MYH11: variants seen among roughly 807,000 people sequenced by gnomAD.
MYH11 encodes the protein myosin heavy chain 11.
Under a neutral mutation model 246.6 loss-of-function variants are expected in MYH11, and 80 were observed. That is an observed-to-expected ratio of 0.32 (90% CI 0.27 to 0.39). The LOEUF is 0.39. Among genes scored for constraint, MYH11 ranks in the 10% least tolerant of loss-of-function variants. The pLI, the probability that MYH11 is intolerant of heterozygous loss-of-function variation, is 1.00. For missense variants in MYH11, 2,158 were observed against 2,546.8 expected (o/e 0.85, Z 3.29); for synonymous variants, 1,071 against 1,015.5 (o/e 1.05, Z -1.04).
chr16:15,817,390 G>A (rs2043287860), intron 3 of MYH11, among the ~76,000 whole-genome samples: 2 of 152,088 alleles, frequency 1.3e-5, no homozygotes, highest in South Asian at 4.1e-4. Flanking sequence ...TACTCAGGAG[G>A]CTGAGGCACA....
At chr16:15,756,730 A>T (rs1397179986) in intron 13 of MYH11, among the ~76,000 whole-genome samples, 1 of 151,976 alleles carries the variant, frequency 6.6e-6, no homozygotes, top group Non-Finnish European at 1.5e-5. Context: ...AAGGCAGAAC[A>T]TAATGTTTGC....
chr16:15,768,015 C>T (rs998181457), intron 9 of MYH11, among the ~76,000 whole-genome samples: 2 of 151,988 alleles, frequency 1.3e-5, no homozygotes, highest in South Asian at 2.1e-4. Context: ...TGGCCTCAAA[C>T]GATCCTCTTG....
At chr16:15,817,510 C>CA (rs896327561) in intron 3 of MYH11, among the ~76,000 whole-genome samples, 21 of 143,462 alleles carry the variant, frequency 1.5e-4, no homozygotes, top group African/African-American at 2.7e-4. Context: ...GACTCTGCCT[C>CA]AAAAAAAAAG....
intron 36 of MYH11, chr16:15,718,898 TAGG>T (rs2040316315): frequency 4.8e-6 from 2 of 419,596 alleles, no homozygotes; most frequent in South Asian, 2.2e-5. Flanking sequence ...GAGGCCAAGG[TAGG>T]AGGATCACCT....
At chr16:15,706,137 G>A (rs994291077) in intron 40 of MYH11, among the ~76,000 whole-genome samples, 2 of 152,054 alleles carry the variant, frequency 1.3e-5, no homozygotes, top group Admixed American at 1.3e-4. Flanking sequence ...GCAGTGCAGC[G>A]ATCAGGAATA....
chr16:15,725,921 G>T (rs1049141665), intron 28 of MYH11: 9 of 377,674 alleles, frequency 2.4e-5, no homozygotes, highest in African/African-American at 4.2e-5. Context: ...CATCATCTGG[G>T]TACAAGCTCC....
intron 2 of MYH11, among the ~76,000 whole-genome samples, chr16:15,833,766 A>G (rs564838319): frequency 2.0e-5 from 3 of 152,290 alleles, no homozygotes; most frequent in African/African-American, 7.2e-5. Flanking sequence ...CGGACCTGGT[A>G]TCACCTCACT....
chr16:15,743,907 C>T (rs2041345841), intron 20 of MYH11, among the ~76,000 whole-genome samples: 1 of 152,070 alleles, frequency 6.6e-6, no homozygotes, highest in African/African-American at 2.4e-5. Flanking sequence ...GCCATGGGGA[C>T]AATGCAACCA....
At chr16:15,756,793 CTTTTTTT>C (rs60486632) in intron 13 of MYH11, among the ~76,000 whole-genome samples, 1 of 84,564 alleles carries the variant, frequency 1.2e-5, no homozygotes, top group Non-Finnish European at 2.4e-5. Flanking sequence ...GTTCATAACT[CTTTTTTT>C]TTTTTTTTTT....
intron 2 of MYH11, among the ~76,000 whole-genome samples, chr16:15,831,859 A>C (rs1567206972): frequency 6.6e-6 from 1 of 151,832 alleles, no homozygotes; most frequent in Non-Finnish European, 1.5e-5. Context: ...AATCGCTTGA[A>C]CTCAGGAAAT....
intron 2 of MYH11, among the ~76,000 whole-genome samples, chr16:15,832,479 A>G (rs2043766091): frequency 6.6e-6 from 1 of 152,170 alleles, no homozygotes; most frequent in Non-Finnish European, 1.5e-5. Context: ...GTCTGCGGAA[A>G]AGCAGAGCAA....
rs374726567 is a variant in MYH11, at chr16:15,750,180, C to T, written c.2016G>A (p.Thr672=). 7 of 1,614,104 alleles carry T rather than the reference C, an allele frequency of 4.3e-6. No individual in the cohort carries two copies. The African/African-American group carries it at 5.3e-5, about 12-fold the overall frequency. ...GKLMTTLRNT[T]PNFVRCIIPN... ...GGATGATGCAGCGCACGAAGTTGGG[C>T]GTGGTGTTGCGTAGCGTGGTCATCA... Residue 672 remains threonine, a synonymous_variant, in exon 16 of 41, where the codon ACG becomes ACA. Coordinates refer to ENST00000300036, the MANE Select transcript of MYH11 (RefSeq NM_002474.3). This position sits in a 1 kb window ranked among gnomAD's most constrained non-coding sequence, Gnocchi z 4.3.
At chr16:15,777,081 A>T (rs2151297099) in intron 7 of MYH11, among the ~76,000 whole-genome samples, 1 of 150,662 alleles carries the variant, frequency 6.6e-6, no homozygotes, top group East Asian at 1.9e-4. Flanking sequence ...CTCATGGTGT[A>T]CATGGGTATA....
chr16:15,766,662 G>C (rs529514048), intron 9 of MYH11, among the ~76,000 whole-genome samples: 1 of 152,092 alleles, frequency 6.6e-6, no homozygotes, highest in African/African-American at 2.4e-5. Flanking sequence ...CACAGTGCCC[G>C]GCCTACCCAT....
chr16:15,776,241 T>A (rs1334729180), intron 7 of MYH11, 65 bp from the exon 8 acceptor site: 4 of 1,059,664 alleles, frequency 3.8e-6, no homozygotes, highest in African/African-American at 1.6e-5. Flanking sequence ...TCCACCTCCA[T>A]CCCTGTCACA....
intron 20 of MYH11, among the ~76,000 whole-genome samples, chr16:15,742,634 G>C (rs954924191): frequency 1.3e-5 from 2 of 151,982 alleles, no homozygotes; most frequent in Non-Finnish European, 2.9e-5. Context: ...AGGGGTCTGA[G>C]GCAGGAAGAT....
intron 38 of MYH11, 77 bp downstream of exon 38, chr16:15,717,063 G>A: frequency 6.8e-7 from 1 of 1,464,240 alleles, no homozygotes; most frequent in South Asian, 1.1e-5. Flanking sequence ...TGCTGGAAGA[G>A]GTTCCCTGAC....
At chr16:15,777,834 C>T (rs1596821145) in intron 7 of MYH11, among the ~76,000 whole-genome samples, 1 of 152,268 alleles carries the variant, frequency 6.6e-6, no homozygotes, top group East Asian at 1.9e-4. Context: ...GTGCAATCAC[C>T]CCCATTTTAC....
Position 15,790,333 on chromosome 16 carries a change from G to A in MYH11, c.531-3601C>T, listed in dbSNP as rs1173894311. On this transcript the variant is annotated intron_variant, in intron 4 of 40. Coordinates refer to ENST00000300036, the MANE Select transcript of MYH11 (RefSeq NM_002474.3). ...AAACAAACAAACAAACAAACAAACA[G>A]ACAGACAAAAAAAAAAACAAAGACA... Among the ~76,000 whole-genome samples the A allele has an allele frequency of 4.3e-5, 6 of 138,120 alleles. No homozygotes were observed. In the Admixed American group the frequency reaches 4.4e-4, roughly 10 times the overall value. The allele number at this position is 138,120 out of a possible 152,430, so 90.6% of individuals were successfully genotyped here. A position where few individuals can be genotyped will look rare whatever the true frequency, so the allele number is the denominator to read the frequency against.
Sources: gnomAD v4.1 joint callset for allele counts (sites outside exome capture counted in the v4.1 genomes callset) on GRCh38, gnomAD v4.1.1 for gene constraint, Gnocchi (gnomAD v3.1) non-coding constraint, MANE v1.5 for transcripts, NCBI Gene and HGNC (gene_info 2026-07-23, HGNC 2026-07-21) for gene names.